Variants in DNAJC1 observed in about 807,000 individuals in gnomAD.
The protein encoded by DNAJC1 is dnaJ homolog subfamily C member 1.
Under a neutral mutation model 76.6 loss-of-function variants are expected in DNAJC1, and 58 were observed. The observed-to-expected ratio is 0.76, with a 90% CI of 0.61 to 0.94. The LOEUF (loss-of-function observed/expected upper bound fraction) is 0.94. Among genes scored for constraint, DNAJC1 ranks in the 40% least tolerant of loss-of-function variants. The pLI, the probability that DNAJC1 is intolerant of heterozygous loss-of-function variation, is 0.00. For missense variants in DNAJC1, 689 were observed against 677.3 expected (o/e 1.02, Z -0.19); for synonymous variants, 258 against 267.9 (o/e 0.96, Z 0.36).
intron 8 of DNAJC1, among the ~76,000 whole-genome samples, chr10:21,878,959 C>T (rs1736957681): frequency 6.6e-6 from 1 of 152,150 alleles, no homozygotes; most frequent in Non-Finnish European, 1.5e-5. Context: ...ATGAAAATTA[C>T]TGCTATATGC....
chr10:21,978,302 A>C (rs567935657), intron 1 of DNAJC1, among the ~76,000 whole-genome samples: 77 of 152,286 alleles, frequency 5.1e-4, no homozygotes, highest in African/African-American at 1.7e-3. Context: ...AAACTCTTTA[A>C]GAATTTCCAT....
At chr10:21,849,397 T>A (rs186080059) in intron 8 of DNAJC1, among the ~76,000 whole-genome samples, 1 of 145,802 alleles carries the variant, frequency 6.9e-6, no homozygotes, top group African/African-American at 2.6e-5. Context: ...AAAAAGGAGA[T>A]CAGAGACCAA....
chr10:21,837,825 TGGGGGGCAGCCCCCGCCTGG>T (rs1835492678), intron 8 of DNAJC1, among the ~76,000 whole-genome samples: 1 of 113,612 alleles, frequency 8.8e-6, no homozygotes, highest in African/African-American at 3.5e-5. Context: ...GGGAGGGAGG[TGGGGGGCAGCCCCCGCCTGG>T]CCAGCCGCCC....
intron 6 of DNAJC1, 102 bp from the exon 7 acceptor site, chr10:21,904,714 T>C: frequency 1.7e-6 from 1 of 590,826 alleles, no homozygotes; most frequent in African/African-American, 1.9e-5. Context: ...ATTTTATAAG[T>C]AGGCTTTCTT....
At chr10:21,955,972 G>A (rs185917216) in intron 1 of DNAJC1, among the ~76,000 whole-genome samples, 5 of 152,108 alleles carry the variant, frequency 3.3e-5, no homozygotes, top group East Asian at 1.9e-4. Flanking sequence ...TTTTACCTTC[G>A]AATTCTTTTC....
At chr10:21,806,877 T>C (rs1032200793) in intron 8 of DNAJC1, among the ~76,000 whole-genome samples, 3 of 152,156 alleles carry the variant, frequency 2.0e-5, no homozygotes, top group Non-Finnish European at 4.4e-5. Context: ...TTAGAGATTA[T>C]AAACACGCAT....
chr10:21,777,974 G>A (rs1834474958), intron 9 of DNAJC1, among the ~76,000 whole-genome samples: 1 of 152,178 alleles, frequency 6.6e-6, no homozygotes, highest in Non-Finnish European at 1.5e-5. Context: ...GATCACCTGA[G>A]GTCAGGAGTT....
chr10:21,989,058 C>T (rs968614582), intron 1 of DNAJC1, among the ~76,000 whole-genome samples: 41 of 152,260 alleles, frequency 2.7e-4, no homozygotes, highest in Middle Eastern at 3.4e-3. Flanking sequence ...TACCCCCAGA[C>T]TTGAATAAAG....
intron 1 of DNAJC1, among the ~76,000 whole-genome samples, chr10:21,975,315 C>T (rs1038972181): frequency 1.3e-5 from 2 of 151,098 alleles, no homozygotes; most frequent in Admixed American, 6.6e-5. Context: ...AAATAAGCTG[C>T]AATAAATAAA....
intron 10 of DNAJC1, among the ~76,000 whole-genome samples, chr10:21,765,872 A>C (rs188964174): frequency 1.6e-4 from 25 of 152,256 alleles, no homozygotes; most frequent in Non-Finnish European, 2.5e-4. Flanking sequence ...ATGCCTGGGA[A>C]AGCTGTTAGC....
chr10:21,825,509 T>C (rs1229097417), intron 8 of DNAJC1, among the ~76,000 whole-genome samples: 4 of 152,230 alleles, frequency 2.6e-5, no homozygotes, highest in Non-Finnish European at 1.5e-5. Flanking sequence ...GTGTTATTTG[T>C]TTAGCATCTG....
chr10:21,797,113 AT>A (rs967247020), intron 9 of DNAJC1, among the ~76,000 whole-genome samples: 3 of 150,292 alleles, frequency 2.0e-5, no homozygotes, highest in African/African-American at 2.4e-5. Flanking sequence ...CATTAAAAAA[AT>A]TTTTTTTTTG....
At chr10:21,947,259 C>T (rs1250919220) in intron 1 of DNAJC1, among the ~76,000 whole-genome samples, 1 of 152,120 alleles carries the variant, frequency 6.6e-6, no homozygotes, top group Non-Finnish European at 1.5e-5. Flanking sequence ...TATCAGAATA[C>T]ACATAGCTGA....
chr10:21,923,756 A>G (rs1466457464), intron 3 of DNAJC1, among the ~76,000 whole-genome samples: 1 of 151,926 alleles, frequency 6.6e-6, no homozygotes, highest in Non-Finnish European at 1.5e-5. Context: ...TAATGGTTAC[A>G]TACTCATTAG....
At chr10:21,913,927 C>A (rs959819103) in intron 6 of DNAJC1, among the ~76,000 whole-genome samples, 1 of 152,160 alleles carries the variant, frequency 6.6e-6, no homozygotes, top group Non-Finnish European at 1.5e-5. Context: ...TTAGCTATCT[C>A]AACACACTTC....
At chr10:21,973,210 T>C (rs1018125224) in intron 1 of DNAJC1, among the ~76,000 whole-genome samples, 1 of 152,170 alleles carries the variant, frequency 6.6e-6, no homozygotes, top group African/African-American at 2.4e-5. Flanking sequence ...TTCCAATATT[T>C]GAACTGTCAT....
At chr10:21,985,732 G>T (rs1304714411) in intron 1 of DNAJC1, among the ~76,000 whole-genome samples, 2 of 152,140 alleles carry the variant, frequency 1.3e-5, no homozygotes, top group African/African-American at 4.8e-5. Context: ...GCATTGCACT[G>T]AATGGATACA....
intron 8 of DNAJC1, among the ~76,000 whole-genome samples, chr10:21,868,162 T>A (rs1265700645): frequency 4.7e-5 from 7 of 150,372 alleles, no homozygotes; most frequent in Non-Finnish European, 8.9e-5. Flanking sequence ...TTCGCTCTTG[T>A]TGCCCAGGCT....
At chr10:21,794,058 T>C (rs1200990545) in intron 9 of DNAJC1, among the ~76,000 whole-genome samples, 2 of 152,106 alleles carry the variant, frequency 1.3e-5, no homozygotes, top group Middle Eastern at 3.2e-3. Context: ...GAGGATCGCT[T>C]GAGGTCAGGA....
Sources: allele counts gnomAD v4.1 joint callset (sites outside exome capture counted in the v4.1 genomes callset), GRCh38; gene constraint gnomAD v4.1.1; transcripts MANE v1.5; gene names NCBI Gene and HGNC (gene_info 2026-07-23, HGNC 2026-07-21).